Variants in QTMAN observed in about 807,000 individuals in gnomAD.
The protein encoded by QTMAN is queuosine-tRNA mannosyltransferase, also known as tRNA-queuosine alpha-mannosyltransferase.
chr2:144,066,281 C>A, the QTMAN span, among the ~76,000 whole-genome samples: 2 of 151,958 alleles, frequency 1.3e-5, no homozygotes, highest in Non-Finnish European at 2.9e-5. Flanking sequence ...ACTAGGATAT[C>A]ATATTGCTCA....
the QTMAN span, among the ~76,000 whole-genome samples, chr2:144,091,655 A>C: frequency 6.6e-6 from 1 of 152,202 alleles, no homozygotes; most frequent in Non-Finnish European, 1.5e-5. Context: ...CAAATCTACC[A>C]TATGATCCCG....
chr2:144,031,190 TA>T, the QTMAN span, among the ~76,000 whole-genome samples: 13 of 148,838 alleles, frequency 8.7e-5, no homozygotes, highest in South Asian at 2.8e-3. Context: ...TGACAACTGT[TA>T]TTTTTTTTTT....
At chr2:144,045,253 T>C in the QTMAN span, among the ~76,000 whole-genome samples, 1 of 152,144 alleles carries the variant, frequency 6.6e-6, no homozygotes, top group Non-Finnish European at 1.5e-5. Flanking sequence ...AGGATGGCAT[T>C]TCAGGAAAAA....
the QTMAN span, among the ~76,000 whole-genome samples, chr2:144,257,454 C>G: frequency 6.6e-6 from 1 of 152,142 alleles, no homozygotes; most frequent in African/African-American, 2.4e-5. Context: ...AGCTTCCTAG[C>G]TCAGAATGAC....
chr2:144,047,331 T>C, the QTMAN span, among the ~76,000 whole-genome samples: 1 of 152,118 alleles, frequency 6.6e-6, no homozygotes, highest in Admixed American at 6.6e-5. Flanking sequence ...CATCTATTTG[T>C]CCCAAACTAA....
the QTMAN span, among the ~76,000 whole-genome samples, chr2:144,138,381 G>C: frequency 2.0e-5 from 3 of 151,784 alleles, no homozygotes; most frequent in Non-Finnish European, 4.4e-5. Flanking sequence ...AAGAGAAGGA[G>C]AGAAATGAGG....
chr2:143,956,029 T>C, the QTMAN span, among the ~76,000 whole-genome samples: 6 of 152,296 alleles, frequency 3.9e-5, no homozygotes, highest in East Asian at 7.7e-4. Context: ...AGCCTGTGTT[T>C]GCTTCAGTGG....
chr2:144,085,345 T>G, the QTMAN span, among the ~76,000 whole-genome samples: 1 of 152,256 alleles, frequency 6.6e-6, no homozygotes, highest in African/African-American at 2.4e-5. Context: ...TCATTGGTAC[T>G]GGATGCCTTG....
the QTMAN span, among the ~76,000 whole-genome samples, chr2:144,224,631 T>C: frequency 6.6e-6 from 1 of 152,010 alleles, no homozygotes; most frequent in Non-Finnish European, 1.5e-5. Flanking sequence ...TGAGATGACA[T>C]CTAAACAGAA....
chr2:144,195,989 C>T, the QTMAN span, among the ~76,000 whole-genome samples: 1 of 152,014 alleles, frequency 6.6e-6, no homozygotes, highest in East Asian at 1.9e-4. Context: ...TGAGCTATTG[C>T]TTGGTTTCCT....
chr2:143,951,792 G>A, the QTMAN span, among the ~76,000 whole-genome samples: 3 of 151,484 alleles, frequency 2.0e-5, no homozygotes, highest in South Asian at 4.1e-4. Flanking sequence ...TTAAGTGCAC[G>A]TATTTCATAA....
the QTMAN span, among the ~76,000 whole-genome samples, chr2:144,151,442 C>T: frequency 6.6e-6 from 1 of 151,902 alleles, no homozygotes; most frequent in African/African-American, 2.4e-5. Context: ...ACTCTGACTA[C>T]CATATGGAAA....
chr2:144,078,845 C>T, the QTMAN span, among the ~76,000 whole-genome samples: 1 of 152,086 alleles, frequency 6.6e-6, no homozygotes, highest in Non-Finnish European at 1.5e-5. Flanking sequence ...AAACCAAGAA[C>T]CTGTCAATTT....
chr2:144,010,662 A>T, the QTMAN span, among the ~76,000 whole-genome samples: 1 of 152,150 alleles, frequency 6.6e-6, no homozygotes, highest in South Asian at 2.1e-4. Flanking sequence ...GCACCTGAGA[A>T]CTGTATATGT....
chr2:144,166,557 T>C, the QTMAN span, among the ~76,000 whole-genome samples: 6 of 152,168 alleles, frequency 3.9e-5, no homozygotes, highest in African/African-American at 1.2e-4. Flanking sequence ...CACATACACA[T>C]ATATATATGC....
the QTMAN span, among the ~76,000 whole-genome samples, chr2:144,315,055 T>C: frequency 6.6e-6 from 1 of 151,902 alleles, no homozygotes; most frequent in Non-Finnish European, 1.5e-5. Flanking sequence ...CCGGCTAATT[T>C]TGGTATTTTT....
the QTMAN span, among the ~76,000 whole-genome samples, chr2:143,967,474 GC>G: frequency 6.6e-6 from 1 of 151,962 alleles, no homozygotes; most frequent in Non-Finnish European, 1.5e-5. Flanking sequence ...GGGATTACCC[GC>G]GTGCACTACC....
the QTMAN span, among the ~76,000 whole-genome samples, chr2:143,972,980 C>T: frequency 1.6e-4 from 25 of 152,216 alleles, no homozygotes; most frequent in Non-Finnish European, 2.8e-4. Context: ...CAGAAGCAAA[C>T]GAATTTAATA....
the QTMAN span, among the ~76,000 whole-genome samples, chr2:144,041,470 A>G: frequency 6.6e-6 from 1 of 152,224 alleles, no homozygotes; most frequent in Non-Finnish European, 1.5e-5. Context: ...ATACACTCTC[A>G]GGGTCAATAT....
Sources: gnomAD v4.1 joint callset for allele counts (sites outside exome capture counted in the v4.1 genomes callset) on GRCh38, gnomAD v4.1.1 for gene constraint, MANE v1.5 for transcripts, NCBI Gene and HGNC (gene_info 2026-07-23, HGNC 2026-07-21) for gene names.